RNF115: variants seen among roughly 807,000 people sequenced by gnomAD.
RNF115 encodes ring finger protein 115, also known as E3 ubiquitin-protein ligase RNF115.
RNF115 carries 31 observed loss-of-function variants against 39.2 expected under a neutral mutation model. The ratio of observed to expected loss-of-function variants is 0.79; its 90% CI spans 0.59 to 1.07. The LOEUF (loss-of-function observed/expected upper bound fraction) is 1.07, where lower values mean the gene tolerates loss of function less well. RNF115 is among the 50% of genes least tolerant of loss of function. RNF115 has a pLI of 0.00. For missense variants in RNF115, 384 were observed against 381.7 expected, an observed-to-expected ratio of 1.01 and a Z score of -0.05; for synonymous variants, 124 against 131.0, an observed-to-expected ratio of 0.95 and a Z score of 0.37.
chr1:145,793,836 C>G (rs1180369000), intron 1 of RNF115, among the ~76,000 whole-genome samples: 1 of 151,270 alleles, frequency 6.6e-6, no homozygotes, highest in African/African-American at 2.4e-5. Context: ...ATATCTTACC[C>G]TCTTTCTTTT....
chr1:145,811,903 AAAAAAATAT>A (rs1416023365), intron 1 of RNF115, among the ~76,000 whole-genome samples: 16 of 95,602 alleles, frequency 1.7e-4, no homozygotes, highest in South Asian at 1.2e-3. Context: ...AAAAAAAAAA[AAAAAAATAT>A]ATATATATAT....
chr1:145,756,948 G>C (rs1350812377), intron 4 of RNF115, among the ~76,000 whole-genome samples: 1 of 144,102 alleles, frequency 6.9e-6, no homozygotes, highest in Non-Finnish European at 1.5e-5. Flanking sequence ...CAATTCTCAC[G>C]CCTCGGCCTC....
chr1:145,797,363 T>C (rs370770868), intron 1 of RNF115, among the ~76,000 whole-genome samples: 1 of 152,282 alleles, frequency 6.6e-6, no homozygotes, highest in South Asian at 2.1e-4. Flanking sequence ...CTAGAACACA[T>C]CCCTGGTGTT....
intron 4 of RNF115, among the ~76,000 whole-genome samples, chr1:145,765,353 C>T (rs1283013924): frequency 1.3e-5 from 2 of 151,878 alleles, no homozygotes; most frequent in Non-Finnish European, 2.9e-5. Flanking sequence ...CTGACCTTCC[C>T]TCCACTATTG....
chr1:145,789,618 G>C (rs969289382), intron 1 of RNF115, among the ~76,000 whole-genome samples: 2 of 143,528 alleles, frequency 1.4e-5, no homozygotes, highest in Non-Finnish European at 3.0e-5. Context: ...GGCTAGTCTC[G>C]AACTCCCGAC....
rs1475492536 is a variant in RNF115 at position 145,742,616 on chromosome 1, C to T, written c.*4250G>A. ...TCTTCTGTATCCCTGCTCACTTTACCTCAGTGCACACCATATCCCTTCTTC... is the reference window on the plus strand; with the variant it reads ...TCTTCTGTATCCCTGCTCACTTTACTTCAGTGCACACCATATCCCTTCTTC... On this transcript the variant is annotated 3_prime_UTR_variant, in exon 9 of 9. Coordinates refer to ENST00000582693, the MANE Select transcript of RNF115 (RefSeq NM_014455.4). 6.6e-6 allele frequency: 1 copy of T among 152,246 alleles called. No individual in the cohort carries two copies. The highest frequency in any genetic ancestry group is 1.5e-5 in the Non-Finnish European group (1 of 68,060). 9.4% of individuals were successfully genotyped at this position (152,246 alleles called of 1,614,324 possible). A position where few individuals can be genotyped will look rare whatever the true frequency, so the allele number is the denominator to read the frequency against.
Position 145,788,930 on chromosome 1 carries a change from C to T in RNF115, c.139G>A (p.Glu47Lys). The part of the protein sequence containing the change: ...ICPRCESGFI[E>K]EVTDDSSFLG... ...TACCTGGAATCATCTGTCACTTCTTCAATAAAGCCTGATTCACATCTGGGA... is the reference window on the plus strand; with the variant it reads ...TACCTGGAATCATCTGTCACTTCTTTAATAAAGCCTGATTCACATCTGGGA... The change falls in exon 2 of 9, where the codon GAA becomes AAA. Residue 47 changes from glutamate (E) to lysine (K), a missense_variant. Transcript: ENST00000582693. 1.2e-6 allele frequency: 2 copies of T among 1,601,120 alleles called. No individual in the cohort carries two copies. The highest frequency in any genetic ancestry group is 1.7e-6 in the Non-Finnish European group (2 of 1,170,996).
chr1:145,759,656 C>T (rs1160458950), intron 4 of RNF115, among the ~76,000 whole-genome samples: 1 of 152,112 alleles, frequency 6.6e-6, no homozygotes, highest in Non-Finnish European at 1.5e-5. Context: ...CCTCGCAGCC[C>T]CCCATTCTAT....
chr1:145,759,345 T>C (rs1553713583), intron 4 of RNF115, among the ~76,000 whole-genome samples: 1 of 152,222 alleles, frequency 6.6e-6, no homozygotes, highest in Non-Finnish European at 1.5e-5. Flanking sequence ...AAACTTATTA[T>C]GTCCCAAACT....
intron 1 of RNF115, among the ~76,000 whole-genome samples, chr1:145,816,851 C>G (rs1376540402): frequency 8.9e-6 from 1 of 111,856 alleles, no homozygotes; most frequent in African/African-American, 2.9e-5. Context: ...TCACTGTAAC[C>G]TCAAATATCC....
At chr1:145,802,371 G>C (rs587602595) in intron 1 of RNF115, among the ~76,000 whole-genome samples, 2 of 152,208 alleles carry the variant, frequency 1.3e-5, no homozygotes, top group South Asian at 4.2e-4. Context: ...AAAGGAAAAG[G>C]GTGGTTTTAA....
chr1:145,758,291 T>TATGGAGAGGCCCAG (rs1553713476), intron 4 of RNF115, among the ~76,000 whole-genome samples: 1 of 152,132 alleles, frequency 6.6e-6, no homozygotes, highest in East Asian at 1.9e-4. Context: ...CAAGGAGCCC[T>TATGGAGAGGCCCAG]ATGGAGAGGC....
chr1:145,753,741 G>C (rs1658190416), intron 4 of RNF115, among the ~76,000 whole-genome samples: 1 of 152,180 alleles, frequency 6.6e-6, no homozygotes. Context: ...TTTTGAGACA[G>C]AGTCTCGCTC....
At chr1:145,758,390 G>A (rs76215597) in intron 4 of RNF115, among the ~76,000 whole-genome samples, 3,727 of 152,160 alleles carry the variant, frequency 0.024, 56 homozygotes, top group Non-Finnish European at 0.035. Context: ...TTAAGTGTTC[G>A]GTTGACTGTA....
rs1441685057 is a variant in RNF115, at chr1:145,743,381, G to T, written c.*3485C>A. 1 of 152,154 alleles carries T rather than the reference G, an allele frequency of 6.6e-6. No homozygotes were observed. Among genetic ancestry groups the T allele is most frequent in the Non-Finnish European group, 1.5e-5 (1 of 68,086 alleles). The allele number at this position is 152,154 out of a possible 1,614,324, so 9.4% of individuals were successfully genotyped here. On this transcript the variant is annotated 3_prime_UTR_variant, in exon 9 of 9. Transcript: ENST00000582693. Reference sequence around the variant, plus strand: ...TCAGCTCTTCTAGGGTATCCAAGCTGGCCTTCAGACTGGAACTACACCATC... The same window carrying T: ...TCAGCTCTTCTAGGGTATCCAAGCTTGCCTTCAGACTGGAACTACACCATC...
At chr1:145,794,874 G>A (rs186794785) in intron 1 of RNF115, among the ~76,000 whole-genome samples, 68 of 151,938 alleles carry the variant, frequency 4.5e-4, no homozygotes, top group African/African-American at 1.3e-3. Context: ...AAAATTAGCC[G>A]TGCGTGGTGG....
chr1:145,796,261 TATC>T (rs1553720008), intron 1 of RNF115, among the ~76,000 whole-genome samples: 2 of 152,216 alleles, frequency 1.3e-5, no homozygotes, highest in Admixed American at 1.3e-4. Context: ...TCAAAAACTC[TATC>T]AATTGCTTCC....
rs587679358 is a variant in RNF115, at chr1:145,824,021, C to G, written c.-148G>C. 1.8e-6 allele frequency: 1 copy of G among 546,598 alleles called. No individual in the cohort carries two copies. Among genetic ancestry groups the G allele is most frequent in the African/African-American group, 2.0e-5 (1 of 49,816 alleles). The allele number at this position is 546,598 out of a possible 1,614,324, so 33.9% of individuals were successfully genotyped here. On this transcript the variant is annotated 5_prime_UTR_variant, in exon 1 of 9. Transcript: ENST00000582693. Reference sequence around the variant, plus strand: ...GCGTCGGTCACGTGAGTTGGCCAGGCCCAGAAACGCGGCGGCGCCAACAGC... The same window carrying G: ...GCGTCGGTCACGTGAGTTGGCCAGGGCCAGAAACGCGGCGGCGCCAACAGC...
chr1:145,767,095 C>A (rs587612452), intron 4 of RNF115, among the ~76,000 whole-genome samples: 1 of 147,824 alleles, frequency 6.8e-6, no homozygotes, highest in East Asian at 2.1e-4. Context: ...CCTTCCCGGA[C>A]GGGGCGGCTG....
Sources: gnomAD v4.1 joint callset for allele counts (sites outside exome capture counted in the v4.1 genomes callset) on GRCh38, gnomAD v4.1.1 for gene constraint, MANE v1.5 for transcripts, NCBI Gene and HGNC (gene_info 2026-07-23, HGNC 2026-07-21) for gene names.